NCAM2: variants seen among roughly 807,000 people sequenced by gnomAD.
The protein encoded by NCAM2 is neural cell adhesion molecule 2.
Under a neutral mutation model 98.1 loss-of-function variants are expected in NCAM2, and 30 were observed. That is an observed-to-expected ratio of 0.31 (90% CI 0.23 to 0.41). The LOEUF (loss-of-function observed/expected upper bound fraction) is 0.41, where lower values mean the gene tolerates loss of function less well. NCAM2 is among the 10% of genes least tolerant of loss of function. NCAM2 has a pLI of 1.00. For synonymous variants in NCAM2, 368 were observed against 342.4 expected, an observed-to-expected ratio of 1.07 and a Z score of -0.83; for missense variants, 867 against 1,005.8, an observed-to-expected ratio of 0.86 and a Z score of 1.87.
At chr21:21,523,172 T>C (rs1482946136) in intron 16 of NCAM2, among the ~76,000 whole-genome samples, 1 of 152,276 alleles carries the variant, frequency 6.6e-6, no homozygotes, top group Admixed American at 6.5e-5. Context: ...TCCCTTGCTG[T>C]TCAGATCCTT....
chr21:21,493,312 A>G (rs545045815), intron 15 of NCAM2, among the ~76,000 whole-genome samples: 1 of 152,010 alleles, frequency 6.6e-6, no homozygotes, highest in South Asian at 2.1e-4. Flanking sequence ...ATAGGAGATA[A>G]TCAATCTAGG....
chr21:21,421,225 A>G (rs1424085833), intron 11 of NCAM2, among the ~76,000 whole-genome samples: 1 of 152,002 alleles, frequency 6.6e-6, no homozygotes, highest in Non-Finnish European at 1.5e-5. Context: ...TTTAATGTGC[A>G]TGTACCTTTG....
chr21:21,203,818 T>C (rs1302958488), intron 1 of NCAM2, among the ~76,000 whole-genome samples: 2 of 152,160 alleles, frequency 1.3e-5, no homozygotes, highest in African/African-American at 4.8e-5. Context: ...TGTTTTATCA[T>C]TGTGGTCCAG....
At chr21:21,494,602 A>G (rs192998968) in intron 15 of NCAM2, among the ~76,000 whole-genome samples, 2 of 151,324 alleles carry the variant, frequency 1.3e-5, no homozygotes, top group East Asian at 3.9e-4. Context: ...AAAAGTTTAG[A>G]GTTAGTAAGA....
chr21:21,539,513 A>G lies in NCAM2; in HGVS notation c.*1556A>G, dbSNP rs1465163804. ...GATAACCTGATGATTATTAAATGTA[A>G]AATTAAGGCAACTCATGAATATTTT... On this transcript the variant is annotated 3_prime_UTR_variant, in exon 18 of 18. Coordinates refer to ENST00000400546, the MANE Select transcript of NCAM2 (RefSeq NM_004540.5). 3 of 152,156 alleles carry G rather than the reference A, an allele frequency of 2.0e-5. No homozygotes were observed. The highest frequency in any genetic ancestry group is 7.2e-5 in the African/African-American group (3 of 41,462). The allele number at this position is 152,156 out of a possible 1,614,324, so 9.4% of individuals were successfully genotyped here. A position where few individuals can be genotyped will look rare whatever the true frequency, so the allele number is the denominator to read the frequency against.
chr21:21,519,979 G>C (rs1206160334), intron 16 of NCAM2, among the ~76,000 whole-genome samples: 3 of 152,042 alleles, frequency 2.0e-5, no homozygotes. Context: ...CAGTGTCATA[G>C]AGGATAGTAT....
intron 1 of NCAM2, among the ~76,000 whole-genome samples, chr21:21,215,618 C>T (rs1193006505): frequency 1.3e-5 from 2 of 152,048 alleles, no homozygotes; most frequent in Non-Finnish European, 2.9e-5. Context: ...ATCCCAGCTA[C>T]TCGGTAGGTT....
chr21:21,042,563 C>A (rs1457982420), intron 1 of NCAM2, among the ~76,000 whole-genome samples: 1 of 152,104 alleles, frequency 6.6e-6, no homozygotes, highest in Non-Finnish European at 1.5e-5. Context: ...GTACAAAAAT[C>A]TCAGGGATTT....
intron 1 of NCAM2, among the ~76,000 whole-genome samples, chr21:21,107,480 G>T (rs1209907092): frequency 6.6e-6 from 1 of 151,946 alleles, no homozygotes; most frequent in East Asian, 1.9e-4. Context: ...TTTCTGAAAA[G>T]TGTCATTCCA....
chr21:21,007,210 C>T (rs1484344156), intron 1 of NCAM2, among the ~76,000 whole-genome samples: 8 of 152,104 alleles, frequency 5.3e-5, no homozygotes, highest in African/African-American at 1.9e-4. Context: ...AATAAGCTCA[C>T]TTGTAGTTTG....
chr21:21,128,913 G>A (rs2826665), intron 1 of NCAM2, among the ~76,000 whole-genome samples: 72,170 of 151,778 alleles, frequency 0.48, 18,589 homozygotes, highest in Non-Finnish European at 0.58. Context: ...ATTAAAGCCA[G>A]TTTATTAGAA....
intron 5 of NCAM2, among the ~76,000 whole-genome samples, chr21:21,320,635 T>C (rs1257603748): frequency 1.3e-5 from 2 of 152,150 alleles, no homozygotes; most frequent in East Asian, 1.9e-4. Context: ...TATGACTATA[T>C]GAAAGTAACA....
Position 21,157,535 on chromosome 21 carries a change from T to G in NCAM2, c.56-123043T>G, listed in dbSNP as rs186298833. ...TATATAAAATTTTAGAAAGTAATCATATATCATCATCTTTGTACATTGTCA... is the reference window on the plus strand; with the variant it reads ...TATATAAAATTTTAGAAAGTAATCAGATATCATCATCTTTGTACATTGTCA... On this transcript the variant is annotated intron_variant, in intron 1 of 17. Coordinates refer to ENST00000400546, the MANE Select transcript of NCAM2 (RefSeq NM_004540.5). 3.3e-5 allele frequency among the ~76,000 whole-genome samples: 5 copies of G among 152,284 alleles called. No individual in the cohort carries two copies. The East Asian group carries it at 9.6e-4, about 29-fold the overall frequency.
intron 5 of NCAM2, 96 bp from the exon 6 acceptor site, chr21:21,324,287 T>C (rs1262056397): frequency 1.3e-6 from 1 of 786,032 alleles, no homozygotes; most frequent in African/African-American, 1.7e-5. Context: ...ATGTGAAGGA[T>C]GACATTTGAA....
intron 1 of NCAM2, among the ~76,000 whole-genome samples, chr21:21,072,569 T>C (rs1456759506): frequency 6.6e-6 from 1 of 152,108 alleles, no homozygotes; most frequent in Admixed American, 6.6e-5. Context: ...TAAATTAGAC[T>C]TTTTGCTGGT....
intron 1 of NCAM2, among the ~76,000 whole-genome samples, chr21:21,087,889 A>G (rs938324319): frequency 2.6e-5 from 4 of 152,182 alleles, no homozygotes; most frequent in African/African-American, 9.7e-5. Context: ...GTGTGATCAC[A>G]CAGGGAATCG....
At chr21:21,537,231 GATACC>G (rs1990030079) in intron 17 of NCAM2, among the ~76,000 whole-genome samples, 2 of 151,928 alleles carry the variant, frequency 1.3e-5, no homozygotes, top group Non-Finnish European at 2.9e-5. Flanking sequence ...AATTTTAGTA[GATACC>G]TGGTTTCACC....
chr21:21,158,403 G>A (rs1476715828), intron 1 of NCAM2, among the ~76,000 whole-genome samples: 1 of 152,032 alleles, frequency 6.6e-6, no homozygotes, highest in Non-Finnish European at 1.5e-5. Flanking sequence ...ATGAGGTCAA[G>A]TAATCAAGAC....
chr21:21,442,372 T>C (rs945797922), intron 12 of NCAM2, among the ~76,000 whole-genome samples: 19 of 152,088 alleles, frequency 1.2e-4, no homozygotes, highest in African/African-American at 4.1e-4. Flanking sequence ...GGATAGGACA[T>C]AGGGTGGAAA....
Sources: gnomAD v4.1 joint callset for allele counts (sites outside exome capture counted in the v4.1 genomes callset) on GRCh38, gnomAD v4.1.1 for gene constraint, MANE v1.5 for transcripts, NCBI Gene and HGNC (gene_info 2026-07-23, HGNC 2026-07-21) for gene names.